Variants in PTPRM observed in about 807,000 individuals in gnomAD.
The protein encoded by PTPRM is protein tyrosine phosphatase receptor type M, also known as receptor-type tyrosine-protein phosphatase mu.
Under a neutral mutation model 186.7 loss-of-function variants are expected in PTPRM, and 47 were observed. That is an observed-to-expected ratio of 0.25 (90% confidence interval 0.20 to 0.32). The LOEUF (loss-of-function observed/expected upper bound fraction) is 0.32. Ranked by LOEUF, PTPRM falls within the 10% of genes least tolerant of loss-of-function variation. PTPRM has a pLI of 1.00. For synonymous variants in PTPRM, 668 were observed against 674.9 expected (o/e 0.99, Z 0.16); for missense variants, 1,494 against 1,865.0 (o/e 0.80, Z 3.66).
intron 7 of PTPRM, among the ~76,000 whole-genome samples, chr18:7,958,622 A>G (rs79289848): frequency 0.022 from 3,283 of 152,288 alleles, 46 homozygotes; most frequent in African/African-American, 0.044. Context: ...ATGAAATTCT[A>G]TGATTCATTT....
chr18:8,102,047 T>A (rs1380096708), intron 11 of PTPRM, among the ~76,000 whole-genome samples: 3 of 152,222 alleles, frequency 2.0e-5, no homozygotes, highest in African/African-American at 7.2e-5. Context: ...AGAAAAGTTA[T>A]GTTTATATTA....
chr18:8,317,643 G>A (rs543090347), intron 21 of PTPRM, among the ~76,000 whole-genome samples: 22 of 152,242 alleles, frequency 1.4e-4, no homozygotes, highest in African/African-American at 3.6e-4. Context: ...GAGAACAAGC[G>A]GCCAGGGAGG....
intron 23 of PTPRM, among the ~76,000 whole-genome samples, chr18:8,353,120 A>C (rs562853625): frequency 2.0e-5 from 3 of 152,348 alleles, no homozygotes; most frequent in African/African-American, 7.2e-5. Flanking sequence ...CTTCAGCAGC[A>C]TAAGGAAGGG....
intron 2 of PTPRM, among the ~76,000 whole-genome samples, chr18:7,852,880 A>T (rs2046933504): frequency 6.6e-6 from 1 of 152,168 alleles, no homozygotes; most frequent in Non-Finnish European, 1.5e-5. Flanking sequence ...AAAAAATAAA[A>T]AATAAATAAT....
chr18:7,794,523 T>C lies in PTPRM; in HGVS notation c.196+20252T>C, dbSNP rs1448059199. The stretch of plus-strand genomic sequence containing the variant: ...TGTGAGGGTGAGGACAAGAGGACCA[T>C]AGGGCCCAAGTCTCATCATTAGACT... On this transcript the variant is annotated intron_variant, in intron 2 of 32. Transcript: ENST00000580170. Among the ~76,000 whole-genome samples the C allele has an allele frequency of 3.3e-5, 5 of 152,184 alleles. No homozygotes were observed. In the East Asian group the frequency reaches 9.7e-4, roughly 29 times the overall value.
intron 1 of PTPRM, among the ~76,000 whole-genome samples, chr18:7,654,632 T>C (rs189849073): frequency 1.1e-4 from 16 of 152,358 alleles, no homozygotes; most frequent in African/African-American, 3.6e-4. Context: ...TAGCATAGTA[T>C]GTAGAGAAGG....
chr18:7,922,568 T>C (rs1307736419), intron 4 of PTPRM, among the ~76,000 whole-genome samples: 2 of 152,180 alleles, frequency 1.3e-5, no homozygotes, highest in African/African-American at 4.8e-5. Flanking sequence ...TTCACAGATA[T>C]TGAAGTCTGG....
chr18:7,992,304 G>GA (rs942771735), intron 7 of PTPRM, among the ~76,000 whole-genome samples: 2 of 152,070 alleles, frequency 1.3e-5, no homozygotes, highest in Non-Finnish European at 2.9e-5. Flanking sequence ...GGAGGCAATG[G>GA]AAAATCTTAC....
chr18:7,955,088 A>G (rs964094912), intron 6 of PTPRM, 33 bp from the exon 7 acceptor site: 49 of 1,552,660 alleles, frequency 3.2e-5, no homozygotes, highest in Non-Finnish European at 4.1e-5. Context: ...AAGACAAAGC[A>G]TCTGAAAGAC....
chr18:7,949,809 A>T (rs60434124), intron 6 of PTPRM, among the ~76,000 whole-genome samples: 13,620 of 152,172 alleles, frequency 0.09, 652 homozygotes, highest in Middle Eastern at 0.28. Context: ...GTTAACATTC[A>T]TAATGTTCCA....
At chr18:7,824,669 AT>A (rs2045390084) in intron 2 of PTPRM, among the ~76,000 whole-genome samples, 1 of 152,180 alleles carries the variant, frequency 6.6e-6, no homozygotes, top group Non-Finnish European at 1.5e-5. Flanking sequence ...AGTTACTAAG[AT>A]TAAAAGCTTT....
intron 1 of PTPRM, among the ~76,000 whole-genome samples, chr18:7,747,352 G>C (rs139756559): frequency 6.6e-6 from 1 of 152,290 alleles, no homozygotes; most frequent in Non-Finnish European, 1.5e-5. Flanking sequence ...GAAAAGGAGA[G>C]GGAGCCTCCA....
intron 14 of PTPRM, among the ~76,000 whole-genome samples, chr18:8,235,361 G>A (rs1370583592): frequency 6.6e-6 from 1 of 151,720 alleles, no homozygotes; most frequent in Non-Finnish European, 1.5e-5. Context: ...TGTAGGTATA[G>A]AGTTGTTCGT....
chr18:7,990,469 A>T (rs1279905043), intron 7 of PTPRM, among the ~76,000 whole-genome samples: 1 of 152,224 alleles, frequency 6.6e-6, no homozygotes, highest in East Asian at 1.9e-4. Context: ...AATGGTTTCA[A>T]TGATAGTATT....
rs1036087871 is a variant in PTPRM at position 8,314,935 on chromosome 18, T to C, written c.2919+78T>C. The stretch of plus-strand genomic sequence containing the variant: ...GCTATGTATGATATTTTGATACATG[T>C]ATACAATGCATAATGATTAAATCAG... On this transcript the variant is annotated intron_variant, in intron 21 of 32. Transcript: ENST00000580170. The C allele has an allele frequency of 1.5e-5, 13 of 879,114 alleles. No individual in the cohort carries two copies. In the Admixed American group the frequency reaches 2.5e-4, roughly 17 times the overall value. 54.5% of individuals were successfully genotyped at this position (879,114 alleles called of 1,614,324 possible).
chr18:7,963,184 T>C (rs187423564), intron 7 of PTPRM, among the ~76,000 whole-genome samples: 1 of 152,378 alleles, frequency 6.6e-6, no homozygotes, highest in East Asian at 1.9e-4. Context: ...ACCGTGTACA[T>C]AGGACAGGGG....
At chr18:7,596,061 C>T (rs2037250118) in intron 1 of PTPRM, among the ~76,000 whole-genome samples, 1 of 152,196 alleles carries the variant, frequency 6.6e-6, no homozygotes, top group Admixed American at 6.5e-5. Flanking sequence ...CCCTTATCTG[C>T]AGTTGTGCTT....
At chr18:7,658,363 T>TACAC (rs57183909) in intron 1 of PTPRM, among the ~76,000 whole-genome samples, 4 of 142,072 alleles carry the variant, frequency 2.8e-5, no homozygotes, top group Admixed American at 7.0e-5. Flanking sequence ...TATATATACA[T>TACAC]ACACACACAC....
intron 7 of PTPRM, among the ~76,000 whole-genome samples, chr18:7,958,652 G>A (rs2053473857): frequency 6.6e-6 from 1 of 152,148 alleles, no homozygotes; most frequent in Admixed American, 6.5e-5. Flanking sequence ...TTTCTGATGA[G>A]ATGATCCACC....
Sources: gnomAD v4.1 joint callset for allele counts (sites outside exome capture counted in the v4.1 genomes callset) on GRCh38, gnomAD v4.1.1 for gene constraint, MANE v1.5 for transcripts, NCBI Gene and HGNC (gene_info 2026-07-23, HGNC 2026-07-21) for gene names.